The following TMEM132C variants were observed in gnomAD, a reference collection of about 807,000 sequenced individuals.
The protein encoded by TMEM132C is protein phosphatase 1, regulatory subunit 152.
TMEM132C carries 29 observed loss-of-function variants against 61.4 expected under a neutral mutation model. The observed-to-expected ratio is 0.47, with a 90% CI of 0.35 to 0.64. The LOEUF is 0.64. Ranked by LOEUF, TMEM132C falls within the 30% of genes least tolerant of loss-of-function variation. The pLI, the probability that TMEM132C is intolerant of heterozygous loss-of-function variation, is 0.00. For missense variants in TMEM132C, 1,408 were observed against 1,476.9 expected (o/e 0.95, Z 0.76); for synonymous variants, 656 against 633.1 (o/e 1.04, Z -0.54).
chr12:128,391,836 T>C (rs952094612), intron 1 of TMEM132C, among the ~76,000 whole-genome samples: 7 of 152,226 alleles, frequency 4.6e-5, no homozygotes, highest in African/African-American at 7.2e-5. Flanking sequence ...CTAGAACCCT[T>C]GGGCCAAACC....
At chr12:128,412,097 C>A (rs1379964737) in intron 1 of TMEM132C, among the ~76,000 whole-genome samples, 1 of 152,132 alleles carries the variant, frequency 6.6e-6, no homozygotes, top group Non-Finnish European at 1.5e-5. Context: ...AATATGTGTC[C>A]AAAATTACTT....
chr12:128,357,435 G>A (rs1295839412), intron 1 of TMEM132C, among the ~76,000 whole-genome samples: 1 of 152,194 alleles, frequency 6.6e-6, no homozygotes, highest in African/African-American at 2.4e-5. Context: ...GGTGGCTCAT[G>A]CCTGTAATCT....
Position 128,326,220 on chromosome 12 carries a change from A to G in TMEM132C, c.85+58733A>G, listed in dbSNP as rs1872511067. Among the ~76,000 whole-genome samples the G allele has an allele frequency of 6.6e-6, 1 of 152,134 alleles. No individual in the cohort carries two copies. Among genetic ancestry groups the G allele is most frequent in the Non-Finnish European group, 1.5e-5 (1 of 68,028 alleles). On this transcript the variant is annotated intron_variant, in intron 1 of 8. Coordinates refer to ENST00000435159, the MANE Select transcript of TMEM132C (RefSeq NM_001136103.3). This position sits in a 1 kb window ranked among gnomAD's most constrained non-coding sequence, Gnocchi z 5.6. ...CAAATTGCAAAAGAGGCAGTAAGACAAAAATCTGTCTTGGTTTGAGCACCT... is the reference window on the plus strand; with the variant it reads ...CAAATTGCAAAAGAGGCAGTAAGACGAAAATCTGTCTTGGTTTGAGCACCT...
At chr12:128,325,557 A>G (rs1182183772) in intron 1 of TMEM132C, among the ~76,000 whole-genome samples, 1 of 152,150 alleles carries the variant, frequency 6.6e-6, no homozygotes, top group East Asian at 1.9e-4. Context: ...TACAGAGTGT[A>G]TATTCTTCAT....
chr12:128,308,462 C>G (rs1444694030), intron 1 of TMEM132C, among the ~76,000 whole-genome samples: 1 of 152,034 alleles, frequency 6.6e-6, no homozygotes, highest in Non-Finnish European at 1.5e-5. Flanking sequence ...AGGGAGTTAA[C>G]CCTACCACAG....
At chr12:128,543,308 A>G (rs1873825810) in intron 2 of TMEM132C, among the ~76,000 whole-genome samples, 1 of 152,174 alleles carries the variant, frequency 6.6e-6, no homozygotes, top group Admixed American at 6.5e-5. Flanking sequence ...TCATTACAGC[A>G]GCTTTATAAT....
At chr12:128,669,759 G>T (rs1285387455) in intron 5 of TMEM132C, among the ~76,000 whole-genome samples, 199 bp downstream of exon 5, 1 of 152,036 alleles carries the variant, frequency 6.6e-6, no homozygotes, top group Non-Finnish European at 1.5e-5. Flanking sequence ...TAGGGTTTTT[G>T]GTTCATTCCT....
intron 1 of TMEM132C, among the ~76,000 whole-genome samples, chr12:128,378,841 A>G (rs1320454389): frequency 1.3e-5 from 2 of 152,202 alleles, no homozygotes; most frequent in Non-Finnish European, 2.9e-5. Flanking sequence ...CCCAGGGAGA[A>G]GTAATTGAAT....
intron 2 of TMEM132C, among the ~76,000 whole-genome samples, chr12:128,439,777 G>A (rs1371969515): frequency 6.6e-6 from 1 of 152,058 alleles, no homozygotes; most frequent in Non-Finnish European, 1.5e-5. Context: ...GGCACAATTG[G>A]ATTTGACAGC....
intron 2 of TMEM132C, among the ~76,000 whole-genome samples, chr12:128,508,390 TG>T (rs1872451509): frequency 1.3e-5 from 2 of 152,182 alleles, no homozygotes; most frequent in African/African-American, 4.8e-5. Flanking sequence ...ACCATATCAG[TG>T]GGTGACCCAT....
chr12:128,539,678 T>G (rs771836542), intron 2 of TMEM132C, among the ~76,000 whole-genome samples: 3 of 152,190 alleles, frequency 2.0e-5, no homozygotes, highest in Non-Finnish European at 4.4e-5. Context: ...TACAGAATTC[T>G]AGGTTGGAAA....
At chr12:128,416,996 A>G (rs1203572400) in intron 2 of TMEM132C, among the ~76,000 whole-genome samples, 1 of 152,160 alleles carries the variant, frequency 6.6e-6, no homozygotes, top group Non-Finnish European at 1.5e-5. Context: ...GGGGAGGGAC[A>G]GGTCTCGCTG....
chr12:128,443,844 A>G (rs1244143610), intron 2 of TMEM132C, among the ~76,000 whole-genome samples: 3 of 152,182 alleles, frequency 2.0e-5, no homozygotes, highest in Non-Finnish European at 4.4e-5. Flanking sequence ...CTGTCTTCAC[A>G]AAGTGGGCTT....
At chr12:128,702,468 T>A (rs1954810874) in intron 8 of TMEM132C, among the ~76,000 whole-genome samples, 1 of 152,090 alleles carries the variant, frequency 6.6e-6, no homozygotes, top group Admixed American at 6.6e-5. Context: ...GCCTTTGGAG[T>A]CTTCTATGAT....
At chr12:128,602,452 C>T (rs570797877) in intron 3 of TMEM132C, among the ~76,000 whole-genome samples, 1 of 152,290 alleles carries the variant, frequency 6.6e-6, no homozygotes, top group Admixed American at 6.5e-5. Flanking sequence ...CCTGATCTGC[C>T]CAAGATTGAC....
chr12:128,354,516 T>TTC (rs1056992142), intron 1 of TMEM132C, among the ~76,000 whole-genome samples: 1 of 151,722 alleles, frequency 6.6e-6, no homozygotes, highest in African/African-American at 2.4e-5. Flanking sequence ...TCCCTCCTTC[T>TTC]TCTCTCTCTC....
intron 2 of TMEM132C, among the ~76,000 whole-genome samples, chr12:128,435,761 A>G (rs113406345): frequency 6.6e-6 from 1 of 152,218 alleles, no homozygotes; most frequent in Non-Finnish European, 1.5e-5. Flanking sequence ...CCATCAAGCT[A>G]CCAATTACTT....
chr12:128,466,160 G>A (rs10847624), intron 2 of TMEM132C, among the ~76,000 whole-genome samples: 6,772 of 152,248 alleles, frequency 0.044, 481 homozygotes, highest in African/African-American at 0.15. Context: ...CCGCTGCTGC[G>A]ATGGAGAACT....
At position 128,415,327 on chromosome 12, in the gene TMEM132C, G is replaced by C; in HGVS notation, c.681G>C (p.Glu227Asp). The part of the protein sequence containing the change: ...SMDQPEGTPV[E>D]LYYTVHPGNE... ...ACCAGCCGGAGGGGACCCCTGTGGA[G>C]CTCTACTACACCGTGCACCCAGGAA... The change falls in exon 2 of 9, where the codon GAG becomes GAC. Residue 227 changes from glutamate to aspartate, a missense_variant. Glu to Asp is a conservative substitution (Grantham distance 45). Transcript: ENST00000435159. The surrounding 1 kb of genome is among the most constrained non-coding windows in gnomAD (Gnocchi z 5.8). 1 of 1,589,694 alleles carries C rather than the reference G, an allele frequency of 6.3e-7. No individual in the cohort carries two copies. Among genetic ancestry groups the C allele is most frequent in the South Asian group, 1.1e-5 (1 of 87,864 alleles).
Sources: allele counts gnomAD v4.1 joint callset (sites outside exome capture counted in the v4.1 genomes callset), GRCh38; gene constraint gnomAD v4.1.1; non-coding constraint Gnocchi (gnomAD v3.1); transcripts MANE v1.5; gene names NCBI Gene and HGNC (gene_info 2026-07-23, HGNC 2026-07-21).